Variants in ESCO1 observed in about 807,000 individuals in gnomAD.
ESCO1 encodes N-acetyltransferase ESCO1.
In ESCO1, 33 loss-of-function variants were observed where a neutral mutation model predicts 83.5. That is an observed-to-expected ratio of 0.40 (90% CI 0.30 to 0.53). The LOEUF (loss-of-function observed/expected upper bound fraction) is 0.53, where lower values mean the gene tolerates loss of function less well. Ranked by LOEUF, ESCO1 falls within the 20% of genes least tolerant of loss-of-function variation. ESCO1 has a pLI of 0.63. For synonymous variants in ESCO1, 332 were observed against 324.3 expected, an observed-to-expected ratio of 1.02 and a Z score of -0.25; for missense variants, 855 against 968.0, an observed-to-expected ratio of 0.88 and a Z score of 1.55.
At chr18:21,577,361 T>TA (rs1555671990) in intron 2 of ESCO1, among the ~76,000 whole-genome samples, 13,012 of 53,432 alleles carry the variant, frequency 0.24, 2,733 homozygotes, top group African/African-American at 0.52. Context: ...CCATCTTTTT[T>TA]AAAAAAAAAA....
intron 1 of ESCO1, among the ~76,000 whole-genome samples, chr18:21,590,611 T>C (rs1183514542): frequency 3.9e-5 from 6 of 152,182 alleles, no homozygotes; most frequent in Non-Finnish European, 7.3e-5. Flanking sequence ...TCAATTTTAA[T>C]TGAATTTGTA....
At chr18:21,551,156 A>G (rs1202491699) in intron 8 of ESCO1, among the ~76,000 whole-genome samples, 1 of 151,076 alleles carries the variant, frequency 6.6e-6, no homozygotes, top group Non-Finnish European at 1.5e-5. Flanking sequence ...TTTTTTTAAA[A>G]GACACTGAAA....
intron 2 of ESCO1, among the ~76,000 whole-genome samples, chr18:21,578,783 C>T (rs1294022147): frequency 6.6e-6 from 1 of 152,154 alleles, no homozygotes; most frequent in African/African-American, 2.4e-5. Context: ...CTGCAACCTC[C>T]ACCTCCCAAG....
intron 7 of ESCO1, 50 bp downstream of exon 7, chr18:21,564,153 T>A: frequency 8.7e-7 from 1 of 1,154,826 alleles, no homozygotes; most frequent in Non-Finnish European, 1.3e-6. Context: ...TGAAATATAC[T>A]AAGATGGTTC....
chr18:21,550,657 T>G (rs2038033447), intron 8 of ESCO1, among the ~76,000 whole-genome samples: 1 of 152,206 alleles, frequency 6.6e-6, no homozygotes, highest in African/African-American at 2.4e-5. Flanking sequence ...TGGTCCAAAT[T>G]CCACTCCACC....
intron 9 of ESCO1, among the ~76,000 whole-genome samples, chr18:21,537,062 G>C (rs908098225): frequency 6.6e-6 from 1 of 152,140 alleles, no homozygotes; most frequent in African/African-American, 2.4e-5. Context: ...TCCCATGTCA[G>C]ATATTAGACA....
At chr18:21,530,654 T>C (rs1023023620) in intron 11 of ESCO1, among the ~76,000 whole-genome samples, 164 bp from the exon 12 acceptor site, 4 of 152,296 alleles carry the variant, frequency 2.6e-5, no homozygotes, top group East Asian at 1.9e-4. Context: ...ATTATTCATC[T>C]ATAATATCAA....
chr18:21,549,501 G>A (rs1342797362), intron 8 of ESCO1, among the ~76,000 whole-genome samples: 7 of 151,940 alleles, frequency 4.6e-5, no homozygotes, highest in African/African-American at 1.5e-4. Context: ...TGCAATCTCC[G>A]CCTCCAGGGG....
At chr18:21,546,651 A>G (rs903142964) in intron 8 of ESCO1, among the ~76,000 whole-genome samples, 3 of 151,076 alleles carry the variant, frequency 2.0e-5, no homozygotes, top group Non-Finnish European at 3.0e-5. Context: ...GGCTCAAGCA[A>G]CTCTCCCAAC....
At chr18:21,534,558 T>A (rs917197301) in intron 10 of ESCO1, among the ~76,000 whole-genome samples, 1 of 152,154 alleles carries the variant, frequency 6.6e-6, no homozygotes, top group African/African-American at 2.4e-5. Context: ...TTTGTACAAG[T>A]TGGCTCCTAA....
At chr18:21,581,965 A>G (rs2038508859) in intron 2 of ESCO1, among the ~76,000 whole-genome samples, 1 of 151,980 alleles carries the variant, frequency 6.6e-6, no homozygotes, top group Non-Finnish European at 1.5e-5. Context: ...GTGCATACCT[A>G]TAGTCCCAGC....
intron 2 of ESCO1, among the ~76,000 whole-genome samples, chr18:21,583,441 T>G (rs1008137052): frequency 2.0e-5 from 3 of 151,966 alleles, no homozygotes; most frequent in Non-Finnish European, 2.9e-5. Flanking sequence ...GTCAGGGGCC[T>G]GACACCAGCC....
At chr18:21,543,755 T>C (rs2037936119) in intron 8 of ESCO1, among the ~76,000 whole-genome samples, 1 of 151,868 alleles carries the variant, frequency 6.6e-6, no homozygotes, top group Non-Finnish European at 1.5e-5. Context: ...AAACAAATAT[T>C]ACAAGGGAAA....
chr18:21,553,765 G>A (rs1414010272), intron 8 of ESCO1, among the ~76,000 whole-genome samples: 2 of 150,852 alleles, frequency 1.3e-5, no homozygotes, highest in African/African-American at 2.4e-5. Flanking sequence ...GCTGAGGCAG[G>A]AAAATCGCTT....
At position 21,557,984 on chromosome 18, in the gene ESCO1, T is replaced by A. The variant is rs527468167; in HGVS notation, c.1953+2875A>T. 2.8e-3 allele frequency among the ~76,000 whole-genome samples: 391 copies of A among 139,352 alleles called. 1 individual carries two copies. Among genetic ancestry groups the A allele is most frequent in the African/African-American group, 0.01 (384 of 38,144 alleles). 91.4% of individuals were successfully genotyped at this position (139,352 alleles called of 152,430 possible). ...TTTTTGGCTTTTTTGTTTTTTGGGG[T>A]TTTTTTTTTTTTTGAAACAGGGTCC... On this transcript the variant is annotated intron_variant, in intron 8 of 11. Transcript: ENST00000269214.
In ESCO1 at chr18:21,530,240, C is replaced by A; in HGVS notation, c.*103G>T. Reference sequence around the variant, plus strand: ...AACAACCATATGGTTGTTGCCAGTCCTGAGTTCATTGTAATAAAAATGGCC... The same window carrying A: ...AACAACCATATGGTTGTTGCCAGTCATGAGTTCATTGTAATAAAAATGGCC... On this transcript the variant is annotated 3_prime_UTR_variant, in exon 12 of 12. Transcript: ENST00000269214. 2 of 990,216 alleles carry A rather than the reference C, an allele frequency of 2.0e-6. No individual in the cohort carries two copies. The highest frequency in any genetic ancestry group is 2.8e-5 in the East Asian group (1 of 35,626). The allele number at this position is 990,216 out of a possible 1,614,324, so 61.3% of individuals were successfully genotyped here.
chr18:21,549,543 T>C (rs892535596), intron 8 of ESCO1, among the ~76,000 whole-genome samples: 1 of 152,188 alleles, frequency 6.6e-6, no homozygotes, highest in African/African-American at 2.4e-5. Context: ...GTCTCCCAAG[T>C]AGCTGGGATT....
intron 10 of ESCO1, among the ~76,000 whole-genome samples, chr18:21,534,498 G>C (rs937159382): frequency 3.9e-5 from 6 of 152,206 alleles, no homozygotes; most frequent in African/African-American, 1.4e-4. Flanking sequence ...GGTCTCGGCA[G>C]TTTCTAGTAA....
intron 1 of ESCO1, among the ~76,000 whole-genome samples, chr18:21,595,036 G>A (rs1272016160): frequency 1.3e-5 from 2 of 151,030 alleles, no homozygotes; most frequent in East Asian, 2.0e-4. Flanking sequence ...TTGTAGAGAC[G>A]GGGTTTCGCC....
Sources: allele counts gnomAD v4.1 joint callset (sites outside exome capture counted in the v4.1 genomes callset), GRCh38; gene constraint gnomAD v4.1.1; transcripts MANE v1.5; gene names NCBI Gene and HGNC (gene_info 2026-07-23, HGNC 2026-07-21).